VAV1: variants seen among roughly 807,000 people sequenced by gnomAD.
The protein encoded by VAV1 is vav guanine nucleotide exchange factor 1.
A neutral mutation model predicts 128.1 loss-of-function variants in VAV1; 33 were observed. The ratio of observed to expected loss-of-function variants is 0.26; its 90% CI spans 0.20 to 0.34. The LOEUF (loss-of-function observed/expected upper bound fraction) is 0.34, where lower values mean the gene tolerates loss of function less well. VAV1 is among the 10% of genes least tolerant of loss of function. VAV1 has a pLI of 1.00. For missense variants in VAV1, 715 were observed against 1,093.7 expected, an observed-to-expected ratio of 0.65 and a Z score of 4.88; for synonymous variants, 394 against 409.8, an observed-to-expected ratio of 0.96 and a Z score of 0.47.
At chr19:6,791,272 A>G (rs1297524136) in intron 1 of VAV1, among the ~76,000 whole-genome samples, 1 of 151,890 alleles carries the variant, frequency 6.6e-6, no homozygotes, top group African/African-American at 2.4e-5. Context: ...CTATCTCTTC[A>G]TCTTGAGGTC....
intron 22 of VAV1, among the ~76,000 whole-genome samples, chr19:6,846,142 G>A (rs1007253751): frequency 6.7e-6 from 1 of 149,398 alleles, no homozygotes; most frequent in Middle Eastern, 3.7e-3. Flanking sequence ...TTAACATGAT[G>A]TATTTACACT....
At chr19:6,805,955 G>A (rs8103611) in intron 1 of VAV1, among the ~76,000 whole-genome samples, 19,209 of 152,014 alleles carry the variant, frequency 0.13, 1,824 homozygotes, top group African/African-American at 0.26. Context: ...ACTTCCTCCC[G>A]TCTAACAAGG....
intron 8 of VAV1, among the ~76,000 whole-genome samples, chr19:6,825,997 C>T (rs558770340): frequency 2.6e-5 from 4 of 152,048 alleles, no homozygotes; most frequent in African/African-American, 7.2e-5. Context: ...GAGTCAAGAT[C>T]ATGCCACTGG....
chr19:6,833,012 G>T (rs1290038533), intron 15 of VAV1, among the ~76,000 whole-genome samples, 172 bp from the exon 16 acceptor site: 3 of 152,156 alleles, frequency 2.0e-5, no homozygotes, highest in East Asian at 1.9e-4. Flanking sequence ...CTCCCAATGT[G>T]CATGGCAGCA....
chr19:6,788,834 A>G (rs1970951518), intron 1 of VAV1, among the ~76,000 whole-genome samples: 1 of 152,124 alleles, frequency 6.6e-6, no homozygotes, highest in South Asian at 2.1e-4. Context: ...CACAGAGGAA[A>G]CTGAGGAACT....
intron 1 of VAV1, among the ~76,000 whole-genome samples, chr19:6,773,362 G>T (rs147265428): frequency 1.0e-3 from 152 of 152,258 alleles, no homozygotes; most frequent in African/African-American, 3.5e-3. Context: ...GAACCCCCAG[G>T]GTGGCCATTG....
At chr19:6,821,177 A>G (rs164015) in intron 2 of VAV1, among the ~76,000 whole-genome samples, 152,259 of 152,262 alleles carry the variant, frequency 1, 76,128 homozygotes, top group Non-Finnish European at 1. Context: ...TGAGGTGGGC[A>G]GATCACGAGG....
At chr19:6,848,214 T>C in intron 23 of VAV1, 100 bp downstream of exon 23, 1 of 1,071,720 alleles carries the variant, frequency 9.3e-7, no homozygotes, top group Non-Finnish European at 1.3e-6. Context: ...TGTACGGTAA[T>C]AGCATCCACC....
chr19:6,850,586 C>A, intron 23 of VAV1, 84 bp from the exon 24 acceptor site: 1 of 1,358,382 alleles, frequency 7.4e-7, no homozygotes, highest in Non-Finnish European at 1.0e-6. Context: ...CTGAAGGGGT[C>A]AAGGTTGCTT....
intron 19 of VAV1, 157 bp from the exon 20 acceptor site, chr19:6,836,275 A>T: frequency 1.1e-6 from 1 of 924,520 alleles, no homozygotes; most frequent in Non-Finnish European, 1.6e-6. Flanking sequence ...GAGTATCCCC[A>T]CCAGCAATGA....
At chr19:6,841,209 T>C (rs905731048) in intron 21 of VAV1, among the ~76,000 whole-genome samples, 2 of 151,774 alleles carry the variant, frequency 1.3e-5, no homozygotes, top group Non-Finnish European at 1.5e-5. Context: ...GCCACCGTGC[T>C]GGGCAATTTT....
rs1055221512 is a variant in VAV1, at chr19:6,822,534, C to T, written c.654+20C>T. ...CAGCAGGTGGGCGCCTCCCACCCAG[C>T]GCCTGCCGGGCGCATGCGCGGGAGC... is the stretch of plus-strand genomic sequence containing the variant. On this transcript the variant is annotated intron_variant, in intron 6 of 26. Coordinates refer to ENST00000602142, the MANE Select transcript of VAV1 (RefSeq NM_005428.4). The surrounding 1 kb of genome is among the most constrained non-coding windows in gnomAD (Gnocchi z 5.9). 1.3e-6 allele frequency: 2 copies of T among 1,542,092 alleles called. No individual in the cohort carries two copies. The highest frequency in any genetic ancestry group is 2.2e-4 in the Middle Eastern group (1 of 4,546).
intron 1 of VAV1, among the ~76,000 whole-genome samples, chr19:6,794,949 C>T (rs1356680428): frequency 6.6e-6 from 1 of 152,120 alleles, no homozygotes; most frequent in African/African-American, 2.4e-5. Context: ...TGACTTGAGG[C>T]TATGCTCAGT....
At chr19:6,787,556 G>A (rs977412034) in intron 1 of VAV1, among the ~76,000 whole-genome samples, 2 of 150,778 alleles carry the variant, frequency 1.3e-5, no homozygotes, top group African/African-American at 4.9e-5. Flanking sequence ...GGCAGATGAG[G>A]GTGACCAACT....
Position 6,825,440 on chromosome 19 carries a change from GTCAC to G in VAV1, c.827+37_827+40del, listed in dbSNP as rs764354477. ...CAGCTGGCCAGACTGAAGCTCTGGG[GTCAC>G]TCTGTCTTGCCTAGGCTGGGCATCT... On this transcript the variant is annotated intron_variant, in intron 8 of 26. Transcript: ENST00000602142. 46 of 1,576,588 alleles carry G rather than the reference GTCAC, an allele frequency of 2.9e-5. No homozygotes were observed. The African/African-American group carries it at 5.8e-4, about 20-fold the overall frequency.
At chr19:6,814,681 T>TC (rs1971595134) in intron 1 of VAV1, among the ~76,000 whole-genome samples, 9 of 110,802 alleles carry the variant, frequency 8.1e-5, no homozygotes, top group African/African-American at 3.9e-4. Context: ...CCTTTCTTTC[T>TC]TTCTTTCTTT....
Position 6,772,795 on chromosome 19 carries a change from G to A in VAV1, c.-13G>A, listed in dbSNP as rs1970532058. 6.2e-7 allele frequency: 1 copy of A among 1,610,962 alleles called. No individual in the cohort carries two copies. Among genetic ancestry groups the A allele is most frequent in the African/African-American group, 1.3e-5 (1 of 74,866 alleles). ...TGCGAGGGTGCACGGCCGGCCCTGG[G>A]CAGGCGGTAGCCATGGAGCTGTGGC... On this transcript the variant is annotated 5_prime_UTR_variant, in exon 1 of 27. Transcript: ENST00000602142. This position sits in a 1 kb window ranked among gnomAD's most constrained non-coding sequence, Gnocchi z 4.8.
intron 22 of VAV1, among the ~76,000 whole-genome samples, chr19:6,844,060 CTTCTTTTTTTTTTTTTTTTTTTTTTTT>C (rs1972450675): frequency 1.1e-4 from 2 of 18,798 alleles, no homozygotes; most frequent in African/African-American, 3.6e-4. Flanking sequence ...TCTTCTTCTT[CTTCTTTTTTTTTTTTTTTTTTTTTTTT>C]TTTTTTTTTT....
rs1972071937 is a variant in VAV1, at chr19:6,832,102, G to A, written c.1410G>A (p.Met470Ile). The change falls in exon 15 of 27, where the codon ATG becomes ATA. Residue 470 changes from methionine to isoleucine, a missense_variant. Met to Ile is a conservative substitution (Grantham distance 10, BLOSUM62 1). Around this residue, in one of 3 missense-constraint regions of VAV1, gnomAD observed 407 missense variants for 580.6 expected, o/e 0.70. Transcript: ENST00000602142. Reference protein sequence around the residue: ...GDRDNKKWSHMFLLIEDQGAQ... With the variant: ...GDRDNKKWSHIFLLIEDQGAQ... ...CTGCTTCCCTGCAGTGGAGCCACATGTTCCTCCTGATCGAGGACCAAGGTG... is the reference window on the plus strand; with the variant it reads ...CTGCTTCCCTGCAGTGGAGCCACATATTCCTCCTGATCGAGGACCAAGGTG... 2 of 1,614,006 alleles carry A rather than the reference G, an allele frequency of 1.2e-6. No homozygotes were observed. Among genetic ancestry groups the A allele is most frequent in the South Asian group, 1.1e-5 (1 of 91,078 alleles).
Sources: gnomAD v4.1 joint callset for allele counts (sites outside exome capture counted in the v4.1 genomes callset) on GRCh38, gnomAD v4.1.1 for gene constraint, gnomAD v4.1.1 regional missense constraint, Gnocchi (gnomAD v3.1) non-coding constraint, MANE v1.5 for transcripts, NCBI Gene and HGNC (gene_info 2026-07-23, HGNC 2026-07-21) for gene names.